ITGA11: variants seen among roughly 807,000 people sequenced by gnomAD.
The protein encoded by ITGA11 is integrin alpha-11.
ITGA11 carries 97 observed loss-of-function variants against 141.9 expected under a neutral mutation model. The ratio of observed to expected loss-of-function variants is 0.68; its 90% CI spans 0.58 to 0.81. The LOEUF (loss-of-function observed/expected upper bound fraction) is 0.81. Ranked by LOEUF, ITGA11 falls within the 30% of genes least tolerant of loss-of-function variation. ITGA11 has a pLI of 0.00. For missense variants in ITGA11, 1,387 were observed against 1,559.2 expected, an observed-to-expected ratio of 0.89 and a Z score of 1.86; for synonymous variants, 658 against 624.6, an observed-to-expected ratio of 1.05 and a Z score of -0.80.
At position 68,297,682 on chromosome 15, in the gene ITGA11, C is replaced by G. The variant is rs1003335254; in HGVS notation, c.*5377G>C. ...ACTTCTTTTGGATGTCCCAGATACA[C>G]TAATCGTTTGCAAGTAACAATAATA... On this transcript the variant is annotated 3_prime_UTR_variant, in exon 30 of 30. Transcript: ENST00000315757. 2.6e-5 allele frequency: 4 copies of G among 152,096 alleles called. No individual in the cohort carries two copies. The highest frequency in any genetic ancestry group is 9.7e-5 in the African/African-American group (4 of 41,414). The allele number at this position is 152,096 out of a possible 1,614,324, so 9.4% of individuals were successfully genotyped here.
At chr15:68,388,483 G>T (rs771748696) in intron 2 of ITGA11, among the ~76,000 whole-genome samples, 4 of 151,838 alleles carry the variant, frequency 2.6e-5, no homozygotes, top group Non-Finnish European at 4.4e-5. Flanking sequence ...GTTTTTCCAT[G>T]GCACAGATAA....
At position 68,311,338 on chromosome 15, in the gene ITGA11, G is replaced by C; in HGVS notation, c.3039C>G (p.Thr1013=). 6.3e-7 allele frequency: 1 copy of C among 1,579,072 alleles called. No individual in the cohort carries two copies. The highest frequency in any genetic ancestry group is 1.3e-5 in the African/African-American group (1 of 74,396). The change falls in exon 25 of 30, where the codon ACC becomes ACG. Residue 1013 remains threonine, a synonymous_variant. Transcript: ENST00000315757. Reference sequence around the variant, plus strand: ...GCTTCAGTAGGCGGTTGCCGCTCCTGGTGGCGATGGGAATGGTGATCTTCA... The same window carrying C: ...GCTTCAGTAGGCGGTTGCCGCTCCTCGTGGCGATGGGAATGGTGATCTTCA... ...MMMKITIPIA[T]RSGNRLLKLR...
At chr15:68,320,088 C>A (rs1893743745) in intron 20 of ITGA11, 97 bp downstream of exon 20, 4 of 1,060,726 alleles carry the variant, frequency 3.8e-6, no homozygotes, top group South Asian at 2.8e-5. Flanking sequence ...CTGCATCCAG[C>A]TTTCTTGTGA....
intron 24 of ITGA11, among the ~76,000 whole-genome samples, chr15:68,312,157 A>G (rs6494731): frequency 0.96 from 145,961 of 152,346 alleles, 70,006 homozygotes; most frequent in Middle Eastern, 0.99. Flanking sequence ...CCTAACTCTC[A>G]TTCTCCCACT....
intron 2 of ITGA11, among the ~76,000 whole-genome samples, chr15:68,374,879 T>TCA (rs1895689826): frequency 6.6e-6 from 1 of 152,246 alleles, no homozygotes; most frequent in African/African-American, 2.4e-5. Context: ...GTTATCCTTT[T>TCA]CATTTGAATG....
chr15:68,377,143 T>C (rs1377870412), intron 2 of ITGA11, among the ~76,000 whole-genome samples: 1 of 152,228 alleles, frequency 6.6e-6, no homozygotes, highest in Non-Finnish European at 1.5e-5. Flanking sequence ...CATAAGAAAA[T>C]ATGTAATAAA....
intron 1 of ITGA11, among the ~76,000 whole-genome samples, chr15:68,419,658 A>G (rs560102064): frequency 6.6e-6 from 1 of 152,238 alleles, no homozygotes; most frequent in Admixed American, 6.5e-5. Context: ...GCATGGAAGC[A>G]TAGCCCCTAA....
rs549853234 is a variant in ITGA11 at position 68,357,278 on chromosome 15, C to T, written c.622G>A (p.Glu208Lys). The T allele has an allele frequency of 4.0e-5, 64 of 1,613,686 alleles. No individual in the cohort carries two copies. Among genetic ancestry groups the T allele is most frequent in the East Asian group, 2.0e-4 (9 of 44,884 alleles). Residue 208 changes from glutamate to lysine, a missense_variant, in exon 7 of 30, where the codon GAA (glutamate) becomes AAA (lysine). Transcript: ENST00000315757. ...AGGTGAAACTCATGCACCACATCTT[C>T]GCCATACTGCACAACTCCAACCTGC... ...QIQVGVVQYG[E>K]DVVHEFHLND...
intron 1 of ITGA11, among the ~76,000 whole-genome samples, chr15:68,404,454 GCTTTACCC>G (rs1040307656): frequency 6.6e-6 from 1 of 152,138 alleles, no homozygotes; most frequent in Non-Finnish European, 1.5e-5. Context: ...TAAGCCAAAT[GCTTTACCC>G]CTTTGGGCAA....
chr15:68,425,977 T>C (rs1897133471), intron 1 of ITGA11, among the ~76,000 whole-genome samples: 1 of 152,234 alleles, frequency 6.6e-6, no homozygotes, highest in Non-Finnish European at 1.5e-5. Context: ...GCTTTAGAGC[T>C]GCATCACCCA....
chr15:68,363,676 G>A (rs1377858416), intron 4 of ITGA11, among the ~76,000 whole-genome samples: 1 of 152,208 alleles, frequency 6.6e-6, no homozygotes, highest in African/African-American at 2.4e-5. Context: ...GCTTTCTGGG[G>A]TAAATTTTCT....
At chr15:68,345,661 G>C (rs993807957) in intron 10 of ITGA11, among the ~76,000 whole-genome samples, 2 of 152,228 alleles carry the variant, frequency 1.3e-5, no homozygotes, top group Non-Finnish European at 2.9e-5. Context: ...TATCTCTTCA[G>C]GCAGCAGCTG....
rs1896546400 is a variant in ITGA11, at chr15:68,402,979, C to T, written c.103G>A (p.Gly35Ser). 1.2e-6 allele frequency: 2 copies of T among 1,613,778 alleles called. No individual in the cohort carries two copies. Among genetic ancestry groups the T allele is most frequent in the Non-Finnish European group, 1.7e-6 (2 of 1,179,796 alleles). ...TAGCCAAAGAAGGCGGTCCTGGAGC[C>T]AGGGATGACCCGGGGCTTCCTGGTG... ...MDTRKPRVIPGSRTAFFGYTV... is the reference protein window; with the variant it reads ...MDTRKPRVIPSSRTAFFGYTV... The change falls in exon 2 of 30, where the codon GGC becomes AGC. Residue 35 changes from glycine (G) to serine (S), a missense_variant. Coordinates refer to ENST00000315757, the MANE Select transcript of ITGA11 (RefSeq NM_001004439.2).
At chr15:68,404,655 C>A (rs141991446) in intron 1 of ITGA11, among the ~76,000 whole-genome samples, 85 of 152,186 alleles carry the variant, frequency 5.6e-4, no homozygotes, top group African/African-American at 1.9e-3. Context: ...GGCTGCACAG[C>A]AGGTCAGTGG....
intron 22 of ITGA11, among the ~76,000 whole-genome samples, chr15:68,314,120 T>C (rs1266028672): frequency 1.3e-5 from 2 of 152,206 alleles, no homozygotes; most frequent in East Asian, 1.9e-4. Context: ...CTGGGAGGCC[T>C]GTGCCTGGCC....
chr15:68,330,226 T>C (rs7179598), intron 15 of ITGA11, among the ~76,000 whole-genome samples: 127,613 of 152,214 alleles, frequency 0.84, 53,629 homozygotes, highest in South Asian at 0.91. Context: ...GGAGCCTGTC[T>C]TTTCCTTTAT....
chr15:68,317,773 A>G (rs971385662), intron 20 of ITGA11, among the ~76,000 whole-genome samples: 1 of 152,146 alleles, frequency 6.6e-6, no homozygotes, highest in Non-Finnish European at 1.5e-5. Context: ...TGGCAGCTAC[A>G]GTTATGATGA....
chr15:68,412,336 G>A (rs907602829), intron 1 of ITGA11, among the ~76,000 whole-genome samples: 1 of 152,132 alleles, frequency 6.6e-6, no homozygotes, highest in Non-Finnish European at 1.5e-5. Context: ...AGCTGGGCCC[G>A]GGCCTACCCT....
At chr15:68,386,392 C>T (rs73433903) in intron 2 of ITGA11, among the ~76,000 whole-genome samples, 17,636 of 152,090 alleles carry the variant, frequency 0.12, 1,852 homozygotes, top group African/African-American at 0.27. Context: ...ATTCCACAGC[C>T]CTTTCCATGT....
Sources: allele counts gnomAD v4.1 joint callset (sites outside exome capture counted in the v4.1 genomes callset), GRCh38; gene constraint gnomAD v4.1.1; transcripts MANE v1.5; gene names NCBI Gene and HGNC (gene_info 2026-07-23, HGNC 2026-07-21).